TFDP2: variants seen among roughly 807,000 people sequenced by gnomAD.
The protein encoded by TFDP2 is transcription factor Dp-2, also known as transcription factor Dp-2 (E2F dimerization partner 2).
In TFDP2, 17 loss-of-function variants were observed where a neutral mutation model predicts 59.3. The observed-to-expected ratio is 0.29, with a 90% CI of 0.20 to 0.43. The LOEUF (loss-of-function observed/expected upper bound fraction) is 0.43. TFDP2 is among the 20% of genes least tolerant of loss of function. The pLI is 1.00. For synonymous variants in TFDP2, 180 were observed against 194.7 expected (o/e 0.92, Z 0.63); for missense variants, 391 against 528.8 (o/e 0.74, Z 2.56).
chr3:142,010,813 T>C (rs1408955175), intron 3 of TFDP2, among the ~76,000 whole-genome samples: 6 of 140,274 alleles, frequency 4.3e-5, no homozygotes, highest in Non-Finnish European at 7.7e-5. Context: ...AGAAGACATT[T>C]ATGCAGCCAA....
intron 9 of TFDP2, among the ~76,000 whole-genome samples, chr3:141,968,899 ATC>A (rs1350023267): frequency 1.1e-5 from 1 of 93,940 alleles, no homozygotes; most frequent in Admixed American, 1.4e-4. Context: ...ACACATATAT[ATC>A]TCATATATAT....
Position 142,082,024 on chromosome 3 carries a change from G to A in TFDP2, c.82+11037C>T, listed in dbSNP as rs555500198. Among the ~76,000 whole-genome samples, 9 of 152,330 alleles carry A rather than the reference G, an allele frequency of 5.9e-5. No homozygotes were observed. The South Asian group carries it at 1.2e-3, about 21-fold the overall frequency. On this transcript the variant is annotated intron_variant, in intron 3 of 12. Transcript: ENST00000489671. ...TTAGAAACCAGGATGCACTGCAGGAGGTGAGTGGCGGGCGAGTGAAAGCAG... is the reference window on the plus strand; with the variant it reads ...TTAGAAACCAGGATGCACTGCAGGAAGTGAGTGGCGGGCGAGTGAAAGCAG...
chr3:142,004,910 A>G (rs1944095739), intron 4 of TFDP2, among the ~76,000 whole-genome samples: 1 of 152,246 alleles, frequency 6.6e-6, no homozygotes, highest in African/African-American at 2.4e-5. Context: ...ACACATCCAG[A>G]ATCCACAGAT....
chr3:142,096,156 C>A (rs1010549367), intron 2 of TFDP2, among the ~76,000 whole-genome samples: 1 of 152,144 alleles, frequency 6.6e-6, no homozygotes, highest in Non-Finnish European at 1.5e-5. Context: ...AGATAAAAGT[C>A]AATTGTGAGT....
chr3:141,958,840 C>T (rs11569278), intron 11 of TFDP2, among the ~76,000 whole-genome samples: 11,326 of 151,786 alleles, frequency 0.075, 524 homozygotes, highest in Non-Finnish European at 0.11. Flanking sequence ...GACATTTAAA[C>T]TTTCAGTCCA....
At chr3:142,128,138 G>C (rs2062341311) in intron 1 of TFDP2, among the ~76,000 whole-genome samples, 1 of 152,118 alleles carries the variant, frequency 6.6e-6, no homozygotes, top group Admixed American at 6.6e-5. Context: ...CCCGGAACTT[G>C]AGGTTACAAG....
chr3:142,093,726 C>A (rs1309230986), intron 2 of TFDP2, among the ~76,000 whole-genome samples: 1 of 152,182 alleles, frequency 6.6e-6, no homozygotes, highest in Non-Finnish European at 1.5e-5. Context: ...TACCACAATG[C>A]AGAAGTAAAA....
At chr3:141,973,123 A>ATATATATATATATATATATATTTTTT in intron 8 of TFDP2, among the ~76,000 whole-genome samples, 1 of 58,028 alleles carries the variant, frequency 1.7e-5, no homozygotes, top group African/African-American at 6.5e-5. Flanking sequence ...ATATATATAT[A>ATATATATATATATATATATATTTTTT]TTTTTTTTTT....
At chr3:141,963,546 C>T (rs150326404) in intron 10 of TFDP2, among the ~76,000 whole-genome samples, 3 of 152,278 alleles carry the variant, frequency 2.0e-5, no homozygotes, top group South Asian at 4.1e-4. Context: ...ACATGCAGCA[C>T]GTCATAGGTT....
At chr3:142,021,934 T>C (rs1412823708) in intron 3 of TFDP2, among the ~76,000 whole-genome samples, 6 of 152,258 alleles carry the variant, frequency 3.9e-5, no homozygotes, top group Admixed American at 2.0e-4. Flanking sequence ...TGGTTTTTCA[T>C]TGGCTTCTTT....
At position 142,113,183 on chromosome 3, in the gene TFDP2, T is replaced by C. The variant is rs114318048; in HGVS notation, c.-92-11342A>G. On this transcript the variant is annotated intron_variant, in intron 1 of 12. Transcript: ENST00000489671. ...TCTCATTTCCAGTTTAACAAAGCTTTAGATTAGCATCACAAATGTTAAGAC... is the reference window on the plus strand; with the variant it reads ...TCTCATTTCCAGTTTAACAAAGCTTCAGATTAGCATCACAAATGTTAAGAC... 1.0e-3 allele frequency among the ~76,000 whole-genome samples: 157 copies of C among 152,358 alleles called. 1 individual carries two copies. The highest frequency in any genetic ancestry group is 3.6e-3 in the African/African-American group (149 of 41,586).
At chr3:142,048,892 A>G (rs1403402692) in intron 3 of TFDP2, among the ~76,000 whole-genome samples, 1 of 152,154 alleles carries the variant, frequency 6.6e-6, no homozygotes, top group African/African-American at 2.4e-5. Context: ...AACTGCCTCT[A>G]TCACTTGGGA....
intron 1 of TFDP2, among the ~76,000 whole-genome samples, chr3:142,102,597 T>C (rs2061347129): frequency 6.6e-6 from 1 of 152,164 alleles, no homozygotes; most frequent in South Asian, 2.1e-4. Flanking sequence ...TGGTGAAAAA[T>C]AGGATATTTC....
chr3:141,970,228 A>G (rs771673530), intron 8 of TFDP2, 87 bp from the exon 9 acceptor site: 90 of 1,299,848 alleles, frequency 6.9e-5, no homozygotes, highest in Non-Finnish European at 9.2e-5. Context: ...TGAGATAACA[A>G]TTTTCCCTAG....
Position 141,970,099 on chromosome 3 carries a change from C to A in TFDP2, c.706G>T (p.Ala236Ser), listed in dbSNP as rs1339695454. The A allele has an allele frequency of 1.2e-6, 2 of 1,614,058 alleles. No homozygotes were observed. The highest frequency in any genetic ancestry group is 1.3e-5 in the African/African-American group (1 of 74,926). The change falls in exon 9 of 13, where the codon GCC becomes TCC. Residue 236 changes from alanine to serine, a missense_variant. Ala to Ser is a moderately conservative substitution (Grantham distance 99). Transcript: ENST00000489671. ...RRIERIKQKR[A>S]QLQELLLQQI... Reference sequence around the variant, plus strand: ...TGTAGGAGAAGTTCTTGCAGCTGGGCCCGCTTCTGCTTTATCCGTTCTATC... The same window carrying A: ...TGTAGGAGAAGTTCTTGCAGCTGGGACCGCTTCTGCTTTATCCGTTCTATC...
chr3:142,068,421 T>C (rs1368432647), intron 3 of TFDP2, among the ~76,000 whole-genome samples: 2 of 152,186 alleles, frequency 1.3e-5, no homozygotes, highest in Non-Finnish European at 2.9e-5. Flanking sequence ...GAAAAATTCA[T>C]GTTGAACTTC....
chr3:141,978,883 T>C (rs1487120129), intron 6 of TFDP2, among the ~76,000 whole-genome samples: 1 of 152,218 alleles, frequency 6.6e-6, no homozygotes, highest in Non-Finnish European at 1.5e-5. Context: ...TTAGAGTGTT[T>C]TTCTATGCAC....
intron 3 of TFDP2, among the ~76,000 whole-genome samples, chr3:142,074,485 G>A (rs1343569692): frequency 1.3e-5 from 2 of 152,090 alleles, no homozygotes; most frequent in African/African-American, 4.8e-5. Flanking sequence ...GACCAAGGCG[G>A]GAGAATTGCT....
chr3:141,970,195 G>T, intron 8 of TFDP2, 54 bp from the exon 9 acceptor site: 1 of 1,543,782 alleles, frequency 6.5e-7, no homozygotes. Context: ...ATAAAATATC[G>T]TTCACTTTCC....
Sources: allele counts gnomAD v4.1 joint callset (sites outside exome capture counted in the v4.1 genomes callset), GRCh38; gene constraint gnomAD v4.1.1; transcripts MANE v1.5; gene names NCBI Gene and HGNC (gene_info 2026-07-23, HGNC 2026-07-21).